Variants in BBS9 observed in about 807,000 individuals in gnomAD.
The protein encoded by BBS9 is protein PTHB1.
In BBS9, 89 loss-of-function variants were observed where a neutral mutation model predicts 117.7. The ratio of observed to expected loss-of-function variants is 0.76; its 90% confidence interval spans 0.64 to 0.90. The LOEUF (loss-of-function observed/expected upper bound fraction) is 0.90, where lower values mean the gene tolerates loss of function less well. Ranked by LOEUF, BBS9 falls within the 40% of genes least tolerant of loss-of-function variation. BBS9 has a pLI of 0.00. For synonymous variants in BBS9, 379 were observed against 370.9 expected, an observed-to-expected ratio of 1.02 and a Z score of -0.25; for missense variants, 982 against 1,042.2, an observed-to-expected ratio of 0.94 and a Z score of 0.80.
At chr7:33,363,638 A>G (rs1376290466) in intron 16 of BBS9, among the ~76,000 whole-genome samples, 1 of 150,680 alleles carries the variant, frequency 6.6e-6, no homozygotes, top group Non-Finnish European at 1.5e-5. Flanking sequence ...GAGAACAGAC[A>G]TTGTCTTTCA....
At chr7:33,391,511 C>T (rs1051816997) in intron 19 of BBS9, among the ~76,000 whole-genome samples, 1 of 152,114 alleles carries the variant, frequency 6.6e-6, no homozygotes, top group Non-Finnish European at 1.5e-5. Flanking sequence ...TATGAAAATG[C>T]CTGCTTTCCT....
intron 19 of BBS9, among the ~76,000 whole-genome samples, chr7:33,414,355 A>G (rs1237210659): frequency 6.6e-6 from 1 of 152,192 alleles, no homozygotes; most frequent in Non-Finnish European, 1.5e-5. Flanking sequence ...AATAATCAGA[A>G]ATACTTTCAC....
At chr7:33,294,945 C>G (rs1168495437) in intron 9 of BBS9, among the ~76,000 whole-genome samples, 2 of 152,148 alleles carry the variant, frequency 1.3e-5, no homozygotes, top group Admixed American at 1.3e-4. Flanking sequence ...TAAACTTGCT[C>G]TAGTTGGAAG....
intron 21 of BBS9, among the ~76,000 whole-genome samples, chr7:33,586,915 G>T (rs1178537209): frequency 6.6e-6 from 1 of 152,044 alleles, no homozygotes; most frequent in African/African-American, 2.4e-5. Flanking sequence ...GGGCAGGAGT[G>T]AAGGTTAATA....
chr7:33,592,368 G>A lies in BBS9; in HGVS notation c.2522-12497G>A, dbSNP rs959308255. On this transcript the variant is annotated intron_variant, in intron 21 of 22. Transcript: ENST00000242067. Reference sequence around the variant, plus strand: ...GAAAGGGAATGAAGGCCCAGACTTTGACTTTGCTCAAGATACATGATACTT... The same window carrying A: ...GAAAGGGAATGAAGGCCCAGACTTTAACTTTGCTCAAGATACATGATACTT... 9.9e-5 allele frequency among the ~76,000 whole-genome samples: 15 copies of A among 152,214 alleles called. No homozygotes were observed. In the South Asian group the frequency reaches 2.5e-3, roughly 25 times the overall value.
chr7:33,132,016 GAA>G (rs2128049919), intron 1 of BBS9, among the ~76,000 whole-genome samples: 1 of 152,336 alleles, frequency 6.6e-6, no homozygotes, highest in Admixed American at 6.5e-5. Flanking sequence ...TAAGGCATTA[GAA>G]ACTAATCTGT....
At chr7:33,201,059 A>G (rs1785765184) in intron 5 of BBS9, among the ~76,000 whole-genome samples, 4 of 152,150 alleles carry the variant, frequency 2.6e-5, no homozygotes, top group Admixed American at 6.5e-5. Flanking sequence ...CTCAAATAGC[A>G]GTAGTTGTAT....
rs183202871 is a variant in BBS9, at chr7:33,545,659, G to A, written c.2521+11483G>A. Among the ~76,000 whole-genome samples, 28 of 152,122 alleles carry A rather than the reference G, an allele frequency of 1.8e-4. No individual in the cohort carries two copies. In the East Asian group the frequency reaches 4.9e-3, roughly 26 times the overall value. ...TAAAATTCACAATGCAAGCCTCCCC[G>A]TACTGCTCTGTCCGGAGCTGCAATC... On this transcript the variant is annotated intron_variant, in intron 21 of 22. Coordinates refer to ENST00000242067, the MANE Select transcript of BBS9 (RefSeq NM_198428.3).
intron 21 of BBS9, among the ~76,000 whole-genome samples, chr7:33,613,819 A>G (rs1237250072): frequency 6.6e-6 from 1 of 152,044 alleles, no homozygotes; most frequent in African/African-American, 2.4e-5. Flanking sequence ...TCCGGGGTTC[A>G]TTATATTACA....
intron 9 of BBS9, among the ~76,000 whole-genome samples, chr7:33,295,095 G>T (rs1029349540): frequency 6.6e-6 from 1 of 152,064 alleles, no homozygotes; most frequent in African/African-American, 2.4e-5. Flanking sequence ...CTAGACTAAA[G>T]GATATACAGA....
intron 19 of BBS9, among the ~76,000 whole-genome samples, chr7:33,410,889 G>A (rs1158890480): frequency 6.1e-4 from 2 of 3,276 alleles, no homozygotes; most frequent in Non-Finnish European, 1.2e-3. Context: ...TTTCACACAC[G>A]TCTCGTAAGA....
chr7:33,593,753 A>G (rs1307314777), intron 21 of BBS9, among the ~76,000 whole-genome samples: 2 of 152,106 alleles, frequency 1.3e-5, no homozygotes, highest in East Asian at 3.9e-4. Context: ...GCTCTTGCCA[A>G]CAATTAATTG....
chr7:33,302,030 G>C (rs1480644262), intron 9 of BBS9, among the ~76,000 whole-genome samples: 1 of 152,088 alleles, frequency 6.6e-6, no homozygotes, highest in Non-Finnish European at 1.5e-5. Context: ...GATGATCAGT[G>C]ATGTTGAGCA....
At chr7:33,531,231 G>C (rs111579457) in intron 20 of BBS9, among the ~76,000 whole-genome samples, 1 of 152,166 alleles carries the variant, frequency 6.6e-6, no homozygotes, top group African/African-American at 2.4e-5. Context: ...GGCAACAAGA[G>C]CTAAACTCTG....
At chr7:33,240,987 GTAGA>G (rs1794417045) in intron 5 of BBS9, among the ~76,000 whole-genome samples, 1 of 152,114 alleles carries the variant, frequency 6.6e-6, no homozygotes, top group Admixed American at 6.6e-5. Context: ...TAATGATTAA[GTAGA>G]TAGCAATAGG....
intron 21 of BBS9, among the ~76,000 whole-genome samples, chr7:33,621,518 GA>G (rs1211799109): frequency 2.0e-5 from 3 of 152,086 alleles, no homozygotes; most frequent in Non-Finnish European, 4.4e-5. Flanking sequence ...GAATGACTAT[GA>G]TCAAAAAGAC....
At chr7:33,387,616 T>G (rs1826257799) in intron 18 of BBS9, among the ~76,000 whole-genome samples, 1 of 152,216 alleles carries the variant, frequency 6.6e-6, no homozygotes, top group Non-Finnish European at 1.5e-5. Flanking sequence ...CAAGATCATT[T>G]TAAAAATTCT....
intron 9 of BBS9, among the ~76,000 whole-genome samples, chr7:33,323,349 A>T (rs1812122108): frequency 6.6e-6 from 1 of 152,024 alleles, no homozygotes; most frequent in South Asian, 2.1e-4. Flanking sequence ...TATAGCTATT[A>T]TTTTACAGGG....
chr7:33,217,881 A>G (rs1789383925), intron 5 of BBS9, among the ~76,000 whole-genome samples: 1 of 152,224 alleles, frequency 6.6e-6, no homozygotes. Flanking sequence ...CTTTTGGAAG[A>G]TTGCATTTTT....
Sources: gnomAD v4.1 joint callset for allele counts (sites outside exome capture counted in the v4.1 genomes callset) on GRCh38, gnomAD v4.1.1 for gene constraint, MANE v1.5 for transcripts, NCBI Gene and HGNC (gene_info 2026-07-23, HGNC 2026-07-21) for gene names.